ZBBX: variants seen among roughly 807,000 people sequenced by gnomAD.
The protein encoded by ZBBX is zinc finger B-box domain containing, also known as zinc finger B-box domain-containing protein 1.
In ZBBX, 101 loss-of-function variants were observed where a neutral mutation model predicts 108.5. The observed-to-expected ratio is 0.93, with a 90% CI of 0.79 to 1.10. ZBBX has a LOEUF of 1.10. Among genes scored for constraint, ZBBX ranks in the 50% least tolerant of loss-of-function variants. The probability of loss-of-function intolerance (pLI) is 0.00; values close to 1 mark genes in which losing one functional copy is unlikely to be tolerated. For synonymous variants in ZBBX, 356 were observed against 323.4 expected (o/e 1.10, Z -1.08); for missense variants, 1,009 against 941.4 (o/e 1.07, Z -0.94).
the ZBBX span, among the ~76,000 whole-genome samples, chr3:167,191,934 T>TATATAGAGAGAG: frequency 2.2e-4 from 29 of 130,218 alleles, no homozygotes; most frequent in African/African-American, 7.6e-4. Flanking sequence ...TATATATATA[T>TATATAGAGAGAG]AGAGCAAGTT....
upstream of ZBBX, among the ~76,000 whole-genome samples, chr3:167,382,034 A>G (rs1747759468): frequency 6.6e-6 from 1 of 152,214 alleles, no homozygotes; most frequent in Non-Finnish European, 1.5e-5. Flanking sequence ...TATTTTGCAA[A>G]TAACTTCTCC....
chr3:167,332,507 T>C (rs1738826579), intron 10 of ZBBX, among the ~76,000 whole-genome samples: 1 of 152,144 alleles, frequency 6.6e-6, no homozygotes, highest in Non-Finnish European at 1.5e-5. Flanking sequence ...GATTAATAAA[T>C]AACACAGAGG....
At chr3:167,367,587 TAAA>T (rs5854237) in intron 5 of ZBBX, among the ~76,000 whole-genome samples, 1 of 145,520 alleles carries the variant, frequency 6.9e-6, no homozygotes, top group Admixed American at 6.9e-5. Context: ...AACTCATTTG[TAAA>T]AAAAAAAAAG....
At chr3:167,386,188 G>T (rs898411397) in intron 1 of ZBBX, among the ~76,000 whole-genome samples, 3 of 151,984 alleles carry the variant, frequency 2.0e-5, no homozygotes, top group African/African-American at 7.2e-5. Flanking sequence ...GTAGAGGCAG[G>T]GAGAGAAGGA....
intron 11 of ZBBX, among the ~76,000 whole-genome samples, chr3:167,326,724 T>A (rs7624106): frequency 0.37 from 56,560 of 151,828 alleles, 10,921 homozygotes; most frequent in East Asian, 0.65. Flanking sequence ...GAAGACAGCA[T>A]CCAAATAATG....
At chr3:167,388,709 T>G (rs1040217179) in intron 1 of ZBBX, among the ~76,000 whole-genome samples, 1 of 152,026 alleles carries the variant, frequency 6.6e-6, no homozygotes, top group African/African-American at 2.4e-5. Flanking sequence ...CCTTCCATTG[T>G]GCTGTTCTGC....
chr3:167,289,987 G>A (rs1448887022), intron 18 of ZBBX, among the ~76,000 whole-genome samples: 1 of 152,134 alleles, frequency 6.6e-6, no homozygotes, highest in Non-Finnish European at 1.5e-5. Context: ...AAACTGGGCA[G>A]AGTCCACTAC....
intron 20 of ZBBX, among the ~76,000 whole-genome samples, chr3:167,265,505 G>A (rs1462050528): frequency 1.3e-5 from 2 of 152,142 alleles, no homozygotes; most frequent in Non-Finnish European, 2.9e-5. Context: ...TATGCAGAAG[G>A]AAGGAGTCAC....
At chr3:167,339,508 A>C (rs1040204386) in intron 9 of ZBBX, among the ~76,000 whole-genome samples, 1 of 152,136 alleles carries the variant, frequency 6.6e-6, no homozygotes, top group African/African-American at 2.4e-5. Context: ...AGAAGTATGC[A>C]TTAGTGTTTT....
At chr3:167,405,576 T>C (rs139151411) in intron 1 of ZBBX, among the ~76,000 whole-genome samples, 1,576 of 152,242 alleles carry the variant, frequency 0.01, 29 homozygotes, top group African/African-American at 0.036. Context: ...CTGCATTAAA[T>C]TGAAAACAAT....
the ZBBX span, among the ~76,000 whole-genome samples, chr3:167,216,132 A>T: frequency 6.6e-6 from 1 of 152,172 alleles, no homozygotes; most frequent in East Asian, 1.9e-4. Context: ...AGCCAGAGCA[A>T]TCAGGCAAGA....
chr3:167,312,728 A>G (rs1177033623), intron 16 of ZBBX, among the ~76,000 whole-genome samples: 1 of 152,200 alleles, frequency 6.6e-6, no homozygotes, highest in African/African-American at 2.4e-5. Context: ...TCTTCAGGAC[A>G]AGATTGGAAT....
intron 17 of ZBBX, among the ~76,000 whole-genome samples, chr3:167,299,634 C>A (rs1732298299): frequency 6.6e-6 from 1 of 152,128 alleles, no homozygotes; most frequent in Non-Finnish European, 1.5e-5. Context: ...CTAACTACTG[C>A]CCTACAAATT....
intron 1 of ZBBX, among the ~76,000 whole-genome samples, chr3:167,385,654 C>A (rs1747889983): frequency 6.6e-6 from 1 of 151,672 alleles, no homozygotes; most frequent in Non-Finnish European, 1.5e-5. Flanking sequence ...ATCTATAAGC[C>A]TTTTTCTATT....
At chr3:167,407,492 A>T (rs73881204) in intron 1 of ZBBX, among the ~76,000 whole-genome samples, 1 of 151,814 alleles carries the variant, frequency 6.6e-6, no homozygotes, top group Non-Finnish European at 1.5e-5. Context: ...ATAATTTTTG[A>T]CTCCCCCAAA....
chr3:167,314,908 T>C (rs992715236), intron 15 of ZBBX, among the ~76,000 whole-genome samples: 2 of 152,170 alleles, frequency 1.3e-5, no homozygotes, highest in South Asian at 2.1e-4. Flanking sequence ...TCCTTAGAGA[T>C]AGAGTGGTGC....
At chr3:167,340,871 G>A (rs1328270700) in intron 9 of ZBBX, among the ~76,000 whole-genome samples, 2 of 151,862 alleles carry the variant, frequency 1.3e-5, no homozygotes, top group Non-Finnish European at 2.9e-5. Flanking sequence ...TTTATTAGAT[G>A]AAATAAAATT....
At chr3:167,290,368 A>G (rs544273319) in intron 18 of ZBBX, among the ~76,000 whole-genome samples, 1 of 152,190 alleles carries the variant, frequency 6.6e-6, no homozygotes, top group Non-Finnish European at 1.5e-5. Context: ...ACAGGCAGCA[A>G]TCTTTGCTGT....
At chr3:167,241,993 C>T (rs1430278248) in intron 21 of ZBBX, among the ~76,000 whole-genome samples, 1 of 152,146 alleles carries the variant, frequency 6.6e-6, no homozygotes, top group Non-Finnish European at 1.5e-5. Flanking sequence ...GTATAACCTA[C>T]ATTCCTTGTA....
Sources: gnomAD v4.1 joint callset for allele counts (sites outside exome capture counted in the v4.1 genomes callset) on GRCh38, gnomAD v4.1.1 for gene constraint, MANE v1.5 for transcripts, NCBI Gene and HGNC (gene_info 2026-07-23, HGNC 2026-07-21) for gene names.